Variants in CHURC1 observed in about 807,000 individuals in gnomAD.
CHURC1 encodes the protein churchill domain containing 1, also known as protein Churchill.
A neutral mutation model predicts 15.4 loss-of-function variants in CHURC1; 12 were observed. The ratio of observed to expected loss-of-function variants is 0.78; its 90% CI spans 0.50 to 1.27. The LOEUF is 1.27. CHURC1 is among the 50% of genes most tolerant of loss of function. The pLI is 0.00. For synonymous variants in CHURC1, 42 were observed against 47.5 expected, an observed-to-expected ratio of 0.88 and a Z score of 0.48; for missense variants, 132 against 137.8, an observed-to-expected ratio of 0.96 and a Z score of 0.21.
chr14:64,923,764 G>C (rs1884483035), intron 1 of CHURC1, among the ~76,000 whole-genome samples: 2 of 145,112 alleles, frequency 1.4e-5, no homozygotes, highest in African/African-American at 5.1e-5. Context: ...CAGACTTAAG[G>C]ATCTAACACT....
intron 1 of CHURC1, among the ~76,000 whole-genome samples, chr14:64,915,176 C>T (rs1163071199): frequency 1.3e-5 from 2 of 152,188 alleles, no homozygotes; most frequent in South Asian, 4.1e-4. Context: ...ATTATTTCTC[C>T]TCTCTTTGAG....
chr14:64,927,732 T>TCCCCCCCCCCCCCC (rs1566830855), intron 3 of CHURC1, among the ~76,000 whole-genome samples: 15 of 106,714 alleles, frequency 1.4e-4, no homozygotes, highest in Non-Finnish European at 2.1e-4. Flanking sequence ...CCCCCCGCCG[T>TCCCCCCCCCCCCCC]CAATTCATAC....
At chr14:64,926,204 A>C in intron 3 of CHURC1, 124 bp downstream of exon 3, 2 of 403,004 alleles carry the variant, frequency 5.0e-6, no homozygotes, top group Non-Finnish European at 8.2e-6. Flanking sequence ...ATTAAAGGAG[A>C]CTATGCCTTT....
Position 64,935,066 on chromosome 14 carries a change from C to T in CHURC1, c.*2836C>T. On this transcript the variant is annotated 3_prime_UTR_variant, in exon 4 of 4. Coordinates refer to ENST00000549115, the MANE Select transcript of CHURC1 (RefSeq NM_001386928.1). ...GGATGAAATTGGAAATCTTCATTCT[C>T]AGTAAACTATCGCAAGGACAAAAAA... 3 of 899,122 alleles carry T rather than the reference C, an allele frequency of 3.3e-6. No homozygotes were observed. Among genetic ancestry groups the T allele is most frequent in the Non-Finnish European group, 4.0e-6 (3 of 751,864 alleles). The allele number at this position is 899,122 out of a possible 1,614,324, so 55.7% of individuals were successfully genotyped here.
At chr14:64,930,369 A>G (rs1885011322) in intron 3 of CHURC1, among the ~76,000 whole-genome samples, 1 of 152,262 alleles carries the variant, frequency 6.6e-6, no homozygotes, top group Middle Eastern at 3.4e-3. Flanking sequence ...CCACAGAAGC[A>G]CTTCTATATA....
intron 1 of CHURC1, among the ~76,000 whole-genome samples, chr14:64,921,052 A>G (rs1017636650): frequency 2.0e-5 from 3 of 152,236 alleles, no homozygotes; most frequent in Non-Finnish European, 4.4e-5. Flanking sequence ...AGACCCACAT[A>G]TATATGGTCA....
chr14:64,921,951 C>G (rs1884334133), intron 1 of CHURC1, among the ~76,000 whole-genome samples: 1 of 152,168 alleles, frequency 6.6e-6, no homozygotes, highest in Non-Finnish European at 1.5e-5. Context: ...AACAAACTAC[C>G]AGTACCTAGA....
chr14:64,930,948 C>T, intron 3 of CHURC1: 2 of 414,142 alleles, frequency 4.8e-6, no homozygotes, highest in South Asian at 1.8e-5. Context: ...CTCCTGAACT[C>T]ACCAGTAGAA....
intron 2 of CHURC1, among the ~76,000 whole-genome samples, chr14:64,925,334 A>G (rs1399315071): frequency 1.3e-5 from 2 of 152,228 alleles, no homozygotes; most frequent in Non-Finnish European, 2.9e-5. Flanking sequence ...ATATAGTAGC[A>G]CAGTTTATAT....
At chr14:64,927,111 T>C (rs1235974642) in intron 3 of CHURC1, among the ~76,000 whole-genome samples, 1 of 152,190 alleles carries the variant, frequency 6.6e-6, no homozygotes, top group African/African-American at 2.4e-5. Context: ...AGGAAAATAA[T>C]AATAATCTTC....
intron 2 of CHURC1, among the ~76,000 whole-genome samples, chr14:64,924,733 T>TA (rs1884562878): frequency 6.6e-6 from 1 of 152,176 alleles, no homozygotes; most frequent in Admixed American, 6.5e-5. Flanking sequence ...AAACTATGTA[T>TA]AAAAAAATCA....
chr14:64,921,225 C>T (rs1272386876), intron 1 of CHURC1, among the ~76,000 whole-genome samples: 1 of 152,016 alleles, frequency 6.6e-6, no homozygotes, highest in Non-Finnish European at 1.5e-5. Context: ...CCTAAATCTA[C>T]AAACTAAAAG....
At chr14:64,919,050 A>C (rs1474259114) in intron 1 of CHURC1, among the ~76,000 whole-genome samples, 1 of 152,228 alleles carries the variant, frequency 6.6e-6, no homozygotes, top group East Asian at 1.9e-4. Context: ...AACATGAGTC[A>C]AGTTGGAATG....
At chr14:64,920,895 A>G (rs1219365570) in intron 1 of CHURC1, among the ~76,000 whole-genome samples, 1 of 152,234 alleles carries the variant, frequency 6.6e-6, no homozygotes, top group Non-Finnish European at 1.5e-5. Flanking sequence ...TAAAATTTAC[A>G]TGAAACTGAA....
intron 1 of CHURC1, among the ~76,000 whole-genome samples, 167 bp from the exon 2 acceptor site, chr14:64,923,821 ACTT>A: frequency 7.1e-6 from 1 of 141,476 alleles, no homozygotes. Context: ...CATGAGTAAC[ACTT>A]CTTTAGGAAA....
intron 3 of CHURC1, among the ~76,000 whole-genome samples, chr14:64,926,506 G>C (rs1041184943): frequency 2.6e-5 from 4 of 152,174 alleles, no homozygotes; most frequent in African/African-American, 9.7e-5. Flanking sequence ...GCACATTCTA[G>C]CTTCTTATGA....
chr14:64,915,511 G>A (rs1157531883), intron 1 of CHURC1, among the ~76,000 whole-genome samples: 1 of 152,232 alleles, frequency 6.6e-6, no homozygotes, highest in Non-Finnish European at 1.5e-5. Context: ...TGTAATTAGG[G>A]TAGAAAAGAA....
At chr14:64,921,305 GA>G (rs1446678237) in intron 1 of CHURC1, among the ~76,000 whole-genome samples, 1 of 151,694 alleles carries the variant, frequency 6.6e-6, no homozygotes. Context: ...TGTCTTAGGA[GA>G]AAAAAAGTAT....
Position 64,932,518 on chromosome 14 carries a change from T to G in CHURC1, c.*288T>G. ...AATGGGAGCACACCTGGTGCCCAGA[T>G]TTTGGTTTCCAATAAAAGGAACCAG... On this transcript the variant is annotated 3_prime_UTR_variant, in exon 4 of 4. Coordinates refer to ENST00000549115, the MANE Select transcript of CHURC1 (RefSeq NM_001386928.1). 9.2e-7 allele frequency: 1 copy of G among 1,084,780 alleles called. No individual in the cohort carries two copies. Among genetic ancestry groups the G allele is most frequent in the Non-Finnish European group, 1.1e-6 (1 of 891,532 alleles). The allele number at this position is 1,084,780 out of a possible 1,614,324, so 67.2% of individuals were successfully genotyped here.
Sources: gnomAD v4.1 joint callset for allele counts (sites outside exome capture counted in the v4.1 genomes callset) on GRCh38, gnomAD v4.1.1 for gene constraint, MANE v1.5 for transcripts, NCBI Gene and HGNC (gene_info 2026-07-23, HGNC 2026-07-21) for gene names.